The following SEPTIN7 variants were observed in gnomAD, a reference collection of about 807,000 sequenced individuals.
The protein encoded by SEPTIN7 is septin 7, also known as septin-7.
A neutral mutation model predicts 63.3 loss-of-function variants in SEPTIN7; 10 were observed. That is an observed-to-expected ratio of 0.16 (90% CI 0.10 to 0.27). SEPTIN7 has a LOEUF of 0.27. SEPTIN7 is among the 10% of genes least tolerant of loss of function. SEPTIN7 has a pLI of 1.00. For synonymous variants in SEPTIN7, 131 were observed against 165.3 expected (o/e 0.79, Z 1.59); for missense variants, 310 against 521.0 (o/e 0.59, Z 3.94).
intron 1 of SEPTIN7, chr7:35,815,230 T>G (rs1451580497): frequency 2.5e-6 from 1 of 398,700 alleles, no homozygotes; most frequent in African/African-American, 2.1e-5. Context: ...CCAGCAACCT[T>G]TTTTTGAGAG....
intron 3 of SEPTIN7, among the ~76,000 whole-genome samples, chr7:35,861,743 G>GA (rs1357695833): frequency 6.6e-6 from 1 of 152,128 alleles, no homozygotes; most frequent in Non-Finnish European, 1.5e-5. Flanking sequence ...GGCAAAACAG[G>GA]AATCAGTTCT....
rs80270464 is a variant in SEPTIN7 at position 35,839,575 on chromosome 7, A to G, written c.169+6675A>G. Among the ~76,000 whole-genome samples the G allele has an allele frequency of 3.1e-3, 351 of 114,986 alleles. 14 individuals carry two copies. The East Asian group carries it at 0.083, about 27-fold the overall frequency. 75.4% of individuals were successfully genotyped at this position (114,986 alleles called of 152,430 possible). A position where few individuals can be genotyped will look rare whatever the true frequency, so the allele number is the denominator to read the frequency against. On this transcript the variant is annotated intron_variant, in intron 3 of 13. Coordinates refer to ENST00000350320, the MANE Select transcript of SEPTIN7 (RefSeq NM_001788.6). ...TATGTTATGTTATGTTATTTTTGAG[A>G]CAGAGTCTTGCTCTGTTGACCAGGC... is the stretch of plus-strand genomic sequence containing the variant.
At chr7:35,823,979 A>G (rs930004697) in intron 1 of SEPTIN7, among the ~76,000 whole-genome samples, 11 of 149,278 alleles carry the variant, frequency 7.4e-5, no homozygotes, top group African/African-American at 1.2e-4. Context: ...GGTGTTTTCT[A>G]TTAGCATTCA....
At chr7:35,886,564 T>C (rs138804887) in intron 10 of SEPTIN7, among the ~76,000 whole-genome samples, 1 of 152,310 alleles carries the variant, frequency 6.6e-6, no homozygotes, top group African/African-American at 2.4e-5. Context: ...CCTCAGTATT[T>C]TCATGTTGAG....
At chr7:35,869,294 G>A (rs1446335043) in intron 4 of SEPTIN7, among the ~76,000 whole-genome samples, 1 of 152,136 alleles carries the variant, frequency 6.6e-6, no homozygotes, top group Non-Finnish European at 1.5e-5. Context: ...TGATGAGAAG[G>A]AGGTATTCTT....
At chr7:35,874,487 T>C (rs1391740986) in intron 6 of SEPTIN7, among the ~76,000 whole-genome samples, 3 of 152,090 alleles carry the variant, frequency 2.0e-5, no homozygotes, top group African/African-American at 7.2e-5. Flanking sequence ...GTCTTTTCCT[T>C]TGGGTAAGTA....
At chr7:35,912,494 C>T in the SEPTIN7 span, among the ~76,000 whole-genome samples, 1 of 152,196 alleles carries the variant, frequency 6.6e-6, no homozygotes, top group African/African-American at 2.4e-5. Flanking sequence ...GGGTAAATCT[C>T]TGTTCGGGGC....
At chr7:35,814,933 C>T (rs1249017632) in intron 1 of SEPTIN7, among the ~76,000 whole-genome samples, 2 of 145,660 alleles carry the variant, frequency 1.4e-5, no homozygotes, top group African/African-American at 5.2e-5. Context: ...CGAGATCTCG[C>T]CACTGCACTC....
chr7:35,805,432 AATT>A (rs1788268652), intron 1 of SEPTIN7, among the ~76,000 whole-genome samples: 1 of 152,180 alleles, frequency 6.6e-6, no homozygotes, highest in African/African-American at 2.4e-5. Context: ...ATAGACATAA[AATT>A]ATTCTGCTAT....
At chr7:35,877,228 C>G (rs1267681739) in intron 6 of SEPTIN7, among the ~76,000 whole-genome samples, 1 of 152,100 alleles carries the variant, frequency 6.6e-6, no homozygotes, top group Non-Finnish European at 1.5e-5. Context: ...TCGTTGTGCT[C>G]CCTATTCTCT....
At position 35,872,746 on chromosome 7, in the gene SEPTIN7, T is replaced by A; in HGVS notation, c.357T>A (p.Asp119Glu). 6.2e-7 allele frequency: 1 copy of A among 1,610,640 alleles called. No individual in the cohort carries two copies. The highest frequency in any genetic ancestry group is 8.5e-7 in the Non-Finnish European group (1 of 1,176,934). Residue 119 changes from aspartate to glutamate, a missense_variant, in exon 5 of 14, where the codon GAT (aspartate) becomes GAA (glutamate). Physicochemically the swap from Asp to Glu is conservative, Grantham distance 45 (BLOSUM62 2). This residue lies in a region of SEPTIN7 where 255 missense variants were observed against 490.5 expected (regional missense o/e 0.52). Coordinates refer to ENST00000350320, the MANE Select transcript of SEPTIN7 (RefSeq NM_001788.6). The part of the protein sequence containing the change: ...LTIVDTPGFG[D>E]AVDNSNCWQP... ...TAGTTGATACCCCAGGATTTGGAGA[T>A]GCAGTGGATAATAGTAATTGGTAAG...
Position 35,880,507 on chromosome 7 carries a change from AT to A in SEPTIN7, c.630+574del, listed in dbSNP as rs1271446657. Among the ~76,000 whole-genome samples the A allele has an allele frequency of 5.3e-5, 8 of 151,568 alleles. No homozygotes were observed. The South Asian group carries it at 6.2e-4, about 12-fold the overall frequency. On this transcript the variant is annotated intron_variant, in intron 7 of 13. Coordinates refer to ENST00000350320, the MANE Select transcript of SEPTIN7 (RefSeq NM_001788.6). ...GGCTGAACATTTTAAAAACAAAGTCATTTTTTTCCCCCTTTTTGTAAACATC... is the reference window on the plus strand; with the variant it reads ...GGCTGAACATTTTAAAAACAAAGTCATTTTTTCCCCCTTTTTGTAAACATC...
chr7:35,807,045 T>A (rs912210039), intron 1 of SEPTIN7, among the ~76,000 whole-genome samples: 1 of 152,258 alleles, frequency 6.6e-6, no homozygotes, highest in Admixed American at 6.5e-5. Context: ...AATTTGAAAC[T>A]TTTGTAAACT....
At chr7:35,892,881 C>G (rs1035191944) in intron 11 of SEPTIN7, among the ~76,000 whole-genome samples, 2 of 151,928 alleles carry the variant, frequency 1.3e-5, no homozygotes, top group African/African-American at 4.8e-5. Context: ...GCAAATTGGC[C>G]CAGGAGCTAG....
At chr7:35,803,229 CAG>C in intron 1 of SEPTIN7, 3 of 700,920 alleles carry the variant, frequency 4.3e-6, no homozygotes, top group Non-Finnish European at 5.3e-6. Flanking sequence ...GATTGTATTT[CAG>C]AAGTTTGTGA....
chr7:35,804,839 T>A (rs191424603), intron 1 of SEPTIN7, among the ~76,000 whole-genome samples: 1 of 147,806 alleles, frequency 6.8e-6, no homozygotes, highest in Non-Finnish European at 1.5e-5. Flanking sequence ...TTTTTTGTTT[T>A]TTTTTTTTTT....
chr7:35,835,267 A>G (rs1784022850), intron 3 of SEPTIN7, among the ~76,000 whole-genome samples: 2 of 152,124 alleles, frequency 1.3e-5, no homozygotes, highest in Non-Finnish European at 2.9e-5. Context: ...CATTAGGACA[A>G]ATTTTTGAAG....
chr7:35,899,960 G>A (rs1363364945), intron 12 of SEPTIN7: 1 of 152,054 alleles, frequency 6.6e-6, no homozygotes, highest in Non-Finnish European at 1.5e-5. Flanking sequence ...ATAAAATTTA[G>A]TAAGATCCCT....
At chr7:35,835,472 C>T (rs942032814) in intron 3 of SEPTIN7, among the ~76,000 whole-genome samples, 3 of 152,090 alleles carry the variant, frequency 2.0e-5, no homozygotes, top group South Asian at 2.1e-4. Context: ...TGAGGCATAG[C>T]GAGATTAGGT....
Sources: gnomAD v4.1 joint callset for allele counts (sites outside exome capture counted in the v4.1 genomes callset) on GRCh38, gnomAD v4.1.1 for gene constraint, gnomAD v4.1.1 regional missense constraint, MANE v1.5 for transcripts, NCBI Gene and HGNC (gene_info 2026-07-23, HGNC 2026-07-21) for gene names.